SH3RF3: variants seen among roughly 807,000 people sequenced by gnomAD.
SH3RF3 encodes the protein SH3 domain containing ring finger 3, also known as E3 ubiquitin-protein ligase SH3RF3.
SH3RF3 carries 29 observed loss-of-function variants against 66.3 expected under a neutral mutation model. The ratio of observed to expected loss-of-function variants is 0.44; its 90% CI spans 0.33 to 0.60. The LOEUF (loss-of-function observed/expected upper bound fraction) is 0.60, where lower values mean the gene tolerates loss of function less well. Ranked by LOEUF, SH3RF3 falls within the 20% of genes least tolerant of loss-of-function variation. The pLI is 0.04. For missense variants in SH3RF3, 1,194 were observed against 1,190.9 expected (o/e 1.00, Z -0.04); for synonymous variants, 583 against 532.0 (o/e 1.10, Z -1.32).
chr2:109,369,480 T>C (rs1683219178), intron 2 of SH3RF3, among the ~76,000 whole-genome samples: 1 of 152,276 alleles, frequency 6.6e-6, no homozygotes, highest in South Asian at 2.1e-4. Context: ...GCTCTTAGAA[T>C]GCTCTTTACG....
At chr2:109,178,400 A>G (rs1426881339) in intron 1 of SH3RF3, among the ~76,000 whole-genome samples, 5 of 152,130 alleles carry the variant, frequency 3.3e-5, no homozygotes, top group Admixed American at 2.6e-4. Context: ...TATTGGTGGT[A>G]TGCTTTAGTT....
At position 109,331,814 on chromosome 2, in the gene SH3RF3, C is replaced by T. The variant is rs528339335; in HGVS notation, c.574-15860C>T. ...TATTAAGATGATTTTTTAAAAGTCTCGTGTTCAGATCTTTGCCAGGGGCAC... is the reference window on the plus strand; with the variant it reads ...TATTAAGATGATTTTTTAAAAGTCTTGTGTTCAGATCTTTGCCAGGGGCAC... On this transcript the variant is annotated intron_variant, in intron 1 of 9. Coordinates refer to ENST00000309415, the MANE Select transcript of SH3RF3 (RefSeq NM_001099289.3). Among the ~76,000 whole-genome samples the T allele has an allele frequency of 2.7e-4, 41 of 152,278 alleles. No homozygotes were observed. The South Asian group carries it at 7.3e-3, about 27-fold the overall frequency.
intron 7 of SH3RF3, among the ~76,000 whole-genome samples, chr2:109,440,293 A>G (rs1677524488): frequency 6.6e-6 from 1 of 152,202 alleles, no homozygotes; most frequent in Non-Finnish European, 1.5e-5. Context: ...AAGGGGAAGC[A>G]TGGGGAGCTC....
At chr2:109,253,684 A>G (rs1483675369) in intron 1 of SH3RF3, among the ~76,000 whole-genome samples, 1 of 152,152 alleles carries the variant, frequency 6.6e-6, no homozygotes, top group East Asian at 1.9e-4. Context: ...TTGGAAAGGA[A>G]TTTGGCTGTC....
At chr2:109,301,436 C>T (rs1457292161) in intron 1 of SH3RF3, among the ~76,000 whole-genome samples, 2 of 152,194 alleles carry the variant, frequency 1.3e-5, no homozygotes, top group Middle Eastern at 3.4e-3. Context: ...CATTCCTCTC[C>T]TCCGGGGATT....
At chr2:109,332,753 G>A (rs1002432679) in intron 1 of SH3RF3, among the ~76,000 whole-genome samples, 9 of 152,326 alleles carry the variant, frequency 5.9e-5, no homozygotes, top group African/African-American at 2.2e-4. Context: ...CGCCCCCAGG[G>A]TTAGTGTGTG....
intron 1 of SH3RF3, among the ~76,000 whole-genome samples, chr2:109,247,500 C>T (rs1679945790): frequency 6.6e-6 from 1 of 152,206 alleles, no homozygotes; most frequent in Non-Finnish European, 1.5e-5. Flanking sequence ...TTATTCTTCC[C>T]ACCTTAAGGC....
chr2:109,162,248 T>A (rs998064769), intron 1 of SH3RF3, among the ~76,000 whole-genome samples: 2 of 152,124 alleles, frequency 1.3e-5, no homozygotes, highest in Non-Finnish European at 2.9e-5. Flanking sequence ...TGAAGACAAG[T>A]GGTGGTGGAG....
At chr2:109,320,996 A>G (rs1682012486) in intron 1 of SH3RF3, among the ~76,000 whole-genome samples, 1 of 152,236 alleles carries the variant, frequency 6.6e-6, no homozygotes. Flanking sequence ...TAAGGCATCT[A>G]CATACCTACA....
intron 8 of SH3RF3, among the ~76,000 whole-genome samples, chr2:109,461,254 G>A (rs1237536039): frequency 6.6e-6 from 1 of 152,218 alleles, no homozygotes; most frequent in Non-Finnish European, 1.5e-5. Flanking sequence ...CTAGTTGCAT[G>A]GTAATTGGTG....
At chr2:109,402,914 G>C (rs560656819) in intron 4 of SH3RF3, among the ~76,000 whole-genome samples, 1 of 152,276 alleles carries the variant, frequency 6.6e-6, no homozygotes, top group Admixed American at 6.5e-5. Context: ...GTCTGCCCTG[G>C]AAAAGCAGCT....
At chr2:109,446,287 G>A (rs1221662342) in intron 7 of SH3RF3, among the ~76,000 whole-genome samples, 3 of 152,096 alleles carry the variant, frequency 2.0e-5, no homozygotes, top group Non-Finnish European at 4.4e-5. Flanking sequence ...TTTCCTCAGA[G>A]ACTCACTCTT....
chr2:109,344,072 CT>C (rs1682624713), intron 1 of SH3RF3, among the ~76,000 whole-genome samples: 1 of 152,150 alleles, frequency 6.6e-6, no homozygotes, highest in African/African-American at 2.4e-5. Context: ...ACTTTCCCCC[CT>C]GTATCCCCAT....
chr2:109,397,331 G>T (rs1318815521), intron 3 of SH3RF3, among the ~76,000 whole-genome samples: 4 of 152,182 alleles, frequency 2.6e-5, no homozygotes, highest in Non-Finnish European at 5.9e-5. Context: ...GGGAGAAAGA[G>T]TGGAAACTCA....
intron 8 of SH3RF3, among the ~76,000 whole-genome samples, chr2:109,476,670 C>T (rs757293369): frequency 2.0e-5 from 3 of 152,124 alleles, no homozygotes; most frequent in East Asian, 1.9e-4. Context: ...TTGGATCTCC[C>T]GCAAGAAAGA....
chr2:109,177,254 A>G (rs1455189553), intron 1 of SH3RF3, among the ~76,000 whole-genome samples: 1 of 152,198 alleles, frequency 6.6e-6, no homozygotes, highest in Non-Finnish European at 1.5e-5. Context: ...TGAAGCAGGA[A>G]GATTAAATGC....
intron 3 of SH3RF3, among the ~76,000 whole-genome samples, chr2:109,385,857 C>T (rs141421289): frequency 1.3e-5 from 2 of 152,226 alleles, no homozygotes; most frequent in African/African-American, 2.4e-5. Context: ...GTCCATAAAG[C>T]CTTTTGTATT....
At chr2:109,394,116 T>C (rs1210830700) in intron 3 of SH3RF3, among the ~76,000 whole-genome samples, 1 of 152,216 alleles carries the variant, frequency 6.6e-6, no homozygotes, top group East Asian at 1.9e-4. Context: ...GTCCATTCTG[T>C]AGAACTGTTT....
intron 1 of SH3RF3, among the ~76,000 whole-genome samples, chr2:109,258,572 T>A (rs1680275527): frequency 6.6e-6 from 1 of 152,150 alleles, no homozygotes; most frequent in Non-Finnish European, 1.5e-5. Context: ...TCACTAGGAA[T>A]CCAGTCAGTC....
Sources: gnomAD v4.1 joint callset for allele counts (sites outside exome capture counted in the v4.1 genomes callset) on GRCh38, gnomAD v4.1.1 for gene constraint, MANE v1.5 for transcripts, NCBI Gene and HGNC (gene_info 2026-07-23, HGNC 2026-07-21) for gene names.